Variants in FAF1 observed in about 807,000 individuals in gnomAD.
FAF1 encodes FAS-associated factor 1.
FAF1 carries 25 observed loss-of-function variants against 92.5 expected under a neutral mutation model. The ratio of observed to expected loss-of-function variants is 0.27; its 90% confidence interval spans 0.20 to 0.38. The LOEUF (loss-of-function observed/expected upper bound fraction) is 0.38, where lower values mean the gene tolerates loss of function less well. Among genes scored for constraint, FAF1 ranks in the 10% least tolerant of loss-of-function variants. The pLI is 1.00. For synonymous variants in FAF1, 234 were observed against 273.2 expected, an observed-to-expected ratio of 0.86 and a Z score of 1.42; for missense variants, 636 against 793.3, an observed-to-expected ratio of 0.80 and a Z score of 2.38.
Position 50,545,425 on chromosome 1 carries a change from T to A in FAF1, c.1269-5697A>T, listed in dbSNP as rs1224384680. On this transcript the variant is annotated intron_variant, in intron 13 of 18. Transcript: ENST00000396153. ...CTGAGATTATAGGTATGTGCCACCATGCCTGGCTAATTTTTGTATTTTTAG... is the reference window on the plus strand; with the variant it reads ...CTGAGATTATAGGTATGTGCCACCAAGCCTGGCTAATTTTTGTATTTTTAG... 3.3e-5 allele frequency among the ~76,000 whole-genome samples: 5 copies of A among 152,070 alleles called. 1 individual carries two copies. The highest frequency in any genetic ancestry group is 1.2e-4 in the African/African-American group (5 of 41,504).
chr1:50,567,646 T>C (rs556624958), intron 12 of FAF1, among the ~76,000 whole-genome samples: 2 of 152,230 alleles, frequency 1.3e-5, no homozygotes, highest in East Asian at 3.9e-4. Flanking sequence ...AATGACAAAA[T>C]TCCTCTTACA....
intron 15 of FAF1, among the ~76,000 whole-genome samples, chr1:50,507,721 A>C (rs555618672): frequency 6.6e-6 from 1 of 152,378 alleles, no homozygotes; most frequent in East Asian, 1.9e-4. Flanking sequence ...GTCTTAAAAA[A>C]GAAAAAAGGT....
intron 2 of FAF1, among the ~76,000 whole-genome samples, chr1:50,833,251 T>G (rs1352661459): frequency 6.6e-6 from 1 of 151,758 alleles, no homozygotes; most frequent in Non-Finnish European, 1.5e-5. Context: ...AAATTTGAAG[T>G]CTCCACAACC....
chr1:50,787,128 A>G (rs951262391), intron 4 of FAF1, among the ~76,000 whole-genome samples: 1 of 152,226 alleles, frequency 6.6e-6, no homozygotes, highest in African/African-American at 2.4e-5. Context: ...TAAGTTCAAC[A>G]TAGTTAAACT....
chr1:50,957,132 T>A (rs1259088589), intron 1 of FAF1, among the ~76,000 whole-genome samples: 1 of 152,120 alleles, frequency 6.6e-6, no homozygotes, highest in Non-Finnish European at 1.5e-5. Context: ...GGCTAATGTG[T>A]TTAAGGTGTG....
chr1:50,735,216 A>T (rs974822520), intron 6 of FAF1, among the ~76,000 whole-genome samples: 1 of 152,214 alleles, frequency 6.6e-6, no homozygotes, highest in African/African-American at 2.4e-5. Context: ...TATAATTAAC[A>T]GTTTGTTTTC....
At chr1:50,619,728 G>A (rs1242598171) in intron 8 of FAF1, among the ~76,000 whole-genome samples, 1 of 151,982 alleles carries the variant, frequency 6.6e-6, no homozygotes, top group Non-Finnish European at 1.5e-5. Context: ...CCTTGGGGAT[G>A]GTCGTCTCAT....
intron 8 of FAF1, among the ~76,000 whole-genome samples, chr1:50,609,338 G>T (rs1335498662): frequency 6.6e-6 from 1 of 152,036 alleles, no homozygotes; most frequent in Non-Finnish European, 1.5e-5. Flanking sequence ...TTCACCCAGG[G>T]TCGATCACAG....
chr1:50,888,323 C>A (rs1644687456), intron 1 of FAF1, among the ~76,000 whole-genome samples: 1 of 152,190 alleles, frequency 6.6e-6, no homozygotes, highest in Non-Finnish European at 1.5e-5. Flanking sequence ...CATCTGCAAA[C>A]AGGGACAATT....
At position 50,441,150 on chromosome 1, in the gene FAF1, T is replaced by C. The variant is rs180795646; in HGVS notation, c.*290A>G. 10 of 295,060 alleles carry C rather than the reference T, an allele frequency of 3.4e-5. No individual in the cohort carries two copies. In the Admixed American group the frequency reaches 4.9e-4, roughly 15 times the overall value. 18.3% of individuals were successfully genotyped at this position (295,060 alleles called of 1,614,324 possible). ...GAGAGGTAAAAATTCTATTTAGTGA[T>C]CACTCACACTTGAACAATGCATTCG... On this transcript the variant is annotated 3_prime_UTR_variant, in exon 19 of 19. Transcript: ENST00000396153.
intron 2 of FAF1, among the ~76,000 whole-genome samples, chr1:50,841,019 C>T (rs548131563): frequency 2.0e-5 from 3 of 152,080 alleles, no homozygotes; most frequent in Admixed American, 6.5e-5. Flanking sequence ...CACATGAATG[C>T]TATTATTTGA....
chr1:50,516,673 T>C (rs1647232580), intron 15 of FAF1, among the ~76,000 whole-genome samples: 1 of 152,174 alleles, frequency 6.6e-6, no homozygotes, highest in African/African-American at 2.4e-5. Flanking sequence ...CTCAAGCATA[T>C]GTAGGTTTGT....
chr1:50,822,047 A>G (rs1437471496), intron 2 of FAF1, among the ~76,000 whole-genome samples: 1 of 151,744 alleles, frequency 6.6e-6, no homozygotes, highest in Non-Finnish European at 1.5e-5. Flanking sequence ...ACCCTGCTGT[A>G]TATTTTTGCA....
At chr1:50,843,332 C>G (rs2124647090) in intron 2 of FAF1, among the ~76,000 whole-genome samples, 1 of 152,176 alleles carries the variant, frequency 6.6e-6, no homozygotes, top group East Asian at 1.9e-4. Context: ...ATACAATGTA[C>G]AATGATAAAA....
At chr1:50,819,807 A>ATATACG (rs1553143046) in intron 2 of FAF1, among the ~76,000 whole-genome samples, 2 of 136,228 alleles carry the variant, frequency 1.5e-5, no homozygotes, top group African/African-American at 5.5e-5. Flanking sequence ...ATATACATAT[A>ATATACG]TATATATATA....
At chr1:50,943,903 GTCTT>G (rs1645153891) in intron 1 of FAF1, among the ~76,000 whole-genome samples, 1 of 152,218 alleles carries the variant, frequency 6.6e-6, no homozygotes, top group African/African-American at 2.4e-5. Flanking sequence ...GAATCACTAG[GTCTT>G]TCTAAGGAGA....
chr1:50,900,381 G>GT (rs1265908751), intron 1 of FAF1, among the ~76,000 whole-genome samples: 1 of 152,148 alleles, frequency 6.6e-6, no homozygotes, highest in African/African-American at 2.4e-5. Flanking sequence ...AAATTAAGGT[G>GT]TTTTTTGTTG....
chr1:50,635,753 A>G (rs1350366149), intron 8 of FAF1, among the ~76,000 whole-genome samples: 1 of 152,190 alleles, frequency 6.6e-6, no homozygotes, highest in Non-Finnish European at 1.5e-5. Flanking sequence ...ATCTGGCCTT[A>G]CTGACTCCTT....
chr1:50,608,371 T>C (rs1223730044), intron 8 of FAF1, among the ~76,000 whole-genome samples: 2 of 152,108 alleles, frequency 1.3e-5, no homozygotes, highest in South Asian at 2.1e-4. Context: ...TGCACCTCAA[T>C]AGACAAAGGT....
Sources: gnomAD v4.1 joint callset for allele counts (sites outside exome capture counted in the v4.1 genomes callset) on GRCh38, gnomAD v4.1.1 for gene constraint, MANE v1.5 for transcripts, NCBI Gene and HGNC (gene_info 2026-07-23, HGNC 2026-07-21) for gene names.